The following PTPRN2 variants were observed in gnomAD, a reference collection of about 807,000 sequenced individuals.
PTPRN2 encodes receptor-type tyrosine-protein phosphatase N2.
PTPRN2 carries 74 observed loss-of-function variants against 118.8 expected under a neutral mutation model. The observed-to-expected ratio is 0.62, with a 90% CI of 0.52 to 0.76. The LOEUF (loss-of-function observed/expected upper bound fraction) is 0.76. Ranked by LOEUF, PTPRN2 falls within the 30% of genes least tolerant of loss-of-function variation. PTPRN2 has a pLI of 0.00. For synonymous variants in PTPRN2, 641 were observed against 608.0 expected, an observed-to-expected ratio of 1.05 and a Z score of -0.80; for missense variants, 1,481 against 1,394.4, an observed-to-expected ratio of 1.06 and a Z score of -0.99.
intron 3 of PTPRN2, among the ~76,000 whole-genome samples, chr7:158,287,253 T>G (rs992930122): frequency 5.3e-5 from 8 of 152,256 alleles, no homozygotes; most frequent in Middle Eastern, 3.4e-3. Context: ...TTCAATTTTG[T>G]TTATCATTTC....
chr7:157,634,527 G>A (rs1342163258), intron 14 of PTPRN2, among the ~76,000 whole-genome samples: 1 of 152,132 alleles, frequency 6.6e-6, no homozygotes, highest in Non-Finnish European at 1.5e-5. Context: ...CCACAGATGA[G>A]GCAACTCCTG....
In PTPRN2 at chr7:157,610,960, G is replaced by A. The variant is rs1030391380; in HGVS notation, c.2345-6885C>T. Among the ~76,000 whole-genome samples the A allele has an allele frequency of 1.3e-5, 2 of 152,248 alleles. No individual in the cohort carries two copies. Among genetic ancestry groups the A allele is most frequent in the Non-Finnish European group, 2.9e-5 (2 of 68,040 alleles). ...CAGCATACAATGCTGCATCTGGGCA[G>A]ACTGGGACAGGCTGGGGCTCATATC... On this transcript the variant is annotated intron_variant, in intron 15 of 22. Coordinates refer to ENST00000389418, the MANE Select transcript of PTPRN2 (RefSeq NM_002847.5). The surrounding 1 kb of genome is among the most constrained non-coding windows in gnomAD (Gnocchi z 5.1).
chr7:157,884,648 G>A (rs1164384332), intron 12 of PTPRN2, among the ~76,000 whole-genome samples: 2 of 152,212 alleles, frequency 1.3e-5, no homozygotes, highest in Admixed American at 6.5e-5. Flanking sequence ...GGCCTCACAA[G>A]GTCAGAGGCA....
In PTPRN2 at chr7:158,587,694, C is replaced by T. The variant is rs1221173397; in HGVS notation, c.-25G>A. On this transcript the variant is annotated 5_prime_UTR_variant, in exon 1 of 23. It removes the in-frame stop codon of an upstream open reading frame in the 5' UTR. Transcript: ENST00000389418. ...TCCCCGCGGCCTGGCCGGCGGCGCT[C>T]AGTCCATGGCCGCGCGGGAGGCGGC... The T allele has an allele frequency of 5.0e-6, 6 of 1,189,820 alleles. No homozygotes were observed. Among genetic ancestry groups the T allele is most frequent in the African/African-American group, 1.6e-5 (1 of 62,324 alleles). The allele number at this position is 1,189,820 out of a possible 1,614,324, so 73.7% of individuals were successfully genotyped here. A position where few individuals can be genotyped will look rare whatever the true frequency, so the allele number is the denominator to read the frequency against.
intron 12 of PTPRN2, among the ~76,000 whole-genome samples, chr7:157,723,731 G>A (rs898738485): frequency 6.6e-6 from 1 of 152,304 alleles, no homozygotes; most frequent in Admixed American, 6.5e-5. Context: ...GTGCTCAGAT[G>A]GAGTCTGATG....
chr7:158,317,068 T>C, intron 2 of PTPRN2, 136 bp from the exon 3 acceptor site: 1 of 612,612 alleles, frequency 1.6e-6, no homozygotes, highest in Non-Finnish European at 2.7e-6. Context: ...ACCAGAGGGC[T>C]GTTAGGACCC....
At chr7:158,329,072 A>G (rs887898594) in intron 2 of PTPRN2, among the ~76,000 whole-genome samples, 1 of 152,206 alleles carries the variant, frequency 6.6e-6, no homozygotes, top group African/African-American at 2.4e-5. Flanking sequence ...GATCCCAGTG[A>G]GGCCTGGGAT....
intron 12 of PTPRN2, among the ~76,000 whole-genome samples, chr7:157,875,884 G>A (rs1327840079): frequency 2.7e-5 from 4 of 149,010 alleles, no homozygotes; most frequent in African/African-American, 9.9e-5. Context: ...GTCAGGAGGG[G>A]CCGAGCCCCA....
chr7:158,161,075 G>A (rs1209820460), intron 6 of PTPRN2, among the ~76,000 whole-genome samples: 1 of 152,126 alleles, frequency 6.6e-6, no homozygotes, highest in Non-Finnish European at 1.5e-5. Context: ...CAGAACTATG[G>A]CATTCAGGAT....
At chr7:158,286,849 G>A (rs1799800201) in intron 3 of PTPRN2, among the ~76,000 whole-genome samples, 1 of 152,170 alleles carries the variant, frequency 6.6e-6, no homozygotes, top group African/African-American at 2.4e-5. Context: ...TGGTATCACG[G>A]TAGTGCTGAC....
intron 12 of PTPRN2, among the ~76,000 whole-genome samples, chr7:157,754,850 G>A (rs1801688478): frequency 6.6e-6 from 1 of 152,244 alleles, no homozygotes; most frequent in South Asian, 2.1e-4. Context: ...GCAGCGGGGT[G>A]TGCTTCAAGG....
At position 157,946,224 on chromosome 7, in the gene PTPRN2, C is replaced by G. The variant is rs374499236; in HGVS notation, c.1724-47487G>C. 9.2e-5 allele frequency among the ~76,000 whole-genome samples: 14 copies of G among 152,198 alleles called. No individual in the cohort carries two copies. The South Asian group carries it at 2.9e-3, about 32-fold the overall frequency. On this transcript the variant is annotated intron_variant, in intron 11 of 22. Coordinates refer to ENST00000389418, the MANE Select transcript of PTPRN2 (RefSeq NM_002847.5). The stretch of plus-strand genomic sequence containing the variant: ...AAACAACCAAAGCAACTGTCTGAAG[C>G]CTCTTCAGCTGGCCCATGCCTCATG...
At chr7:157,937,028 C>T (rs575438089) in intron 11 of PTPRN2, among the ~76,000 whole-genome samples, 5 of 152,342 alleles carry the variant, frequency 3.3e-5, no homozygotes, top group East Asian at 3.9e-4. Context: ...CCCTCTCACC[C>T]GCATGTCAAC....
At chr7:158,191,963 T>A (rs1198624264) in intron 5 of PTPRN2, among the ~76,000 whole-genome samples, 1 of 152,160 alleles carries the variant, frequency 6.6e-6, no homozygotes, top group East Asian at 1.9e-4. Context: ...TCAGTCAGGT[T>A]TCAGTGTCCA....
chr7:158,268,773 T>TCCCAG (rs1798084212), intron 3 of PTPRN2, among the ~76,000 whole-genome samples: 2 of 122,284 alleles, frequency 1.6e-5, no homozygotes, highest in African/African-American at 6.6e-5. Context: ...GTGTGAAATA[T>TCCCAG]CCCAGCCGCA....
intron 11 of PTPRN2, among the ~76,000 whole-genome samples, chr7:157,922,366 G>A (rs1263047357): frequency 1.3e-5 from 2 of 152,190 alleles, no homozygotes; most frequent in Admixed American, 1.3e-4. Context: ...AACAGAGTGC[G>A]TGGAAAGGGA....
At chr7:158,186,373 C>CGG (rs1033703122) in intron 5 of PTPRN2, among the ~76,000 whole-genome samples, 4 of 152,010 alleles carry the variant, frequency 2.6e-5, no homozygotes, top group Non-Finnish European at 4.4e-5. Flanking sequence ...AGATTTCTCC[C>CGG]GGGGGCTCAC....
intron 3 of PTPRN2, among the ~76,000 whole-genome samples, chr7:158,224,289 TA>T (rs1195832171): frequency 2.0e-5 from 3 of 152,152 alleles, no homozygotes; most frequent in African/African-American, 7.2e-5. Context: ...CTAGAGTAGC[TA>T]AAACAATTTG....
At chr7:157,913,378 C>T (rs1798205185) in intron 11 of PTPRN2, among the ~76,000 whole-genome samples, 1 of 152,172 alleles carries the variant, frequency 6.6e-6, no homozygotes, top group African/African-American at 2.4e-5. Context: ...CTCCTTCTCT[C>T]CTAAGTGCAC....
Sources: allele counts gnomAD v4.1 joint callset (sites outside exome capture counted in the v4.1 genomes callset), GRCh38; gene constraint gnomAD v4.1.1; non-coding constraint Gnocchi (gnomAD v3.1); transcripts MANE v1.5; gene names NCBI Gene and HGNC (gene_info 2026-07-23, HGNC 2026-07-21).